KIF11: variants seen among roughly 807,000 people sequenced by gnomAD.
KIF11 encodes the protein kinesin family member 11.
A neutral mutation model predicts 121.0 loss-of-function variants in KIF11; 9 were observed. That is an observed-to-expected ratio of 0.07 (90% CI 0.04 to 0.13). The LOEUF (loss-of-function observed/expected upper bound fraction) is 0.13, where lower values mean the gene tolerates loss of function less well. KIF11 is among the 10% of genes least tolerant of loss of function. The pLI is 1.00. For missense variants in KIF11, 846 were observed against 1,217.5 expected (o/e 0.69, Z 4.54); for synonymous variants, 408 against 421.0 (o/e 0.97, Z 0.38).
At position 92,606,340 on chromosome 10, in the gene KIF11, T is replaced by C. The variant is rs781156148; in HGVS notation, c.153T>C (p.Ser51=). The C allele has an allele frequency of 3.7e-6, 6 of 1,612,678 alleles. No homozygotes were observed. The South Asian group carries it at 5.5e-5, about 15-fold the overall frequency. Residue 51 remains serine, a synonymous_variant, in exon 2 of 22, where the codon AGT becomes AGC. Coordinates refer to ENST00000260731, the MANE Select transcript of KIF11 (RefSeq NM_004523.4). ...GTGATCCTGTACGAAAAGAAGTTAG[T>C]GTACGAACTGGAGGATTGGCTGACA... The part of the protein sequence containing the change: ...VECDPVRKEV[S]VRTGGLADKS...
At chr10:92,633,479 C>G (rs1294919611) in intron 13 of KIF11, 144 bp from the exon 14 acceptor site, 1 of 608,138 alleles carries the variant, frequency 1.6e-6, no homozygotes. Context: ...TATTTCCTTG[C>G]TTTGTAGTGA....
intron 1 of KIF11, among the ~76,000 whole-genome samples, chr10:92,604,173 G>A (rs1252865011): frequency 6.6e-6 from 1 of 152,168 alleles, no homozygotes; most frequent in Non-Finnish European, 1.5e-5. Flanking sequence ...AGAGAAGTCT[G>A]GGTAGGAAAC....
chr10:92,607,259 C>T (rs942841958), intron 4 of KIF11, 22 bp downstream of exon 4: 1 of 1,388,534 alleles, frequency 7.2e-7, no homozygotes, highest in African/African-American at 1.4e-5. Context: ...TTATAACATA[C>T]TTTTATCTCT....
In KIF11 at chr10:92,603,265, T is replaced by TTTC. The variant is rs1470294226; in HGVS notation, c.78-2998_78-2997insCTT. 2.7e-3 allele frequency among the ~76,000 whole-genome samples: 302 copies of TTTC among 109,982 alleles called. 2 individuals are homozygous for TTTC. Among genetic ancestry groups the TTTC allele is most frequent in the Non-Finnish European group, 2.8e-3 (173 of 61,926 alleles). The allele number at this position is 109,982 out of a possible 152,430, so 72.2% of individuals were successfully genotyped here. A position where few individuals can be genotyped will look rare whatever the true frequency, so the allele number is the denominator to read the frequency against. ...CTTAAACTGCTTTCTTTTCTTTTCT[T>TTTC]TTTTTTTTTTTTTTTTTGAGACAGA... On this transcript the variant is annotated intron_variant, in intron 1 of 21. Transcript: ENST00000260731.
At chr10:92,637,603 T>C (rs1294658497) in intron 16 of KIF11, 58 bp downstream of exon 16, 2 of 1,495,466 alleles carry the variant, frequency 1.3e-6, no homozygotes, top group Admixed American at 2.3e-5. Flanking sequence ...TGATTTGATA[T>C]GACTTGATAA....
At chr10:92,635,776 G>A (rs749575449) in intron 14 of KIF11, among the ~76,000 whole-genome samples, 9 of 152,138 alleles carry the variant, frequency 5.9e-5, no homozygotes, top group Non-Finnish European at 1.3e-4. Context: ...ATAGTAAGGT[G>A]AAGCACAATA....
At chr10:92,606,060 A>G (rs939104025) in intron 1 of KIF11, among the ~76,000 whole-genome samples, 1 of 152,216 alleles carries the variant, frequency 6.6e-6, no homozygotes, top group South Asian at 2.1e-4. Context: ...ATCTTTGAAC[A>G]TTTAAAAAAT....
At chr10:92,650,591 C>G (rs773194607) in intron 21 of KIF11, 74 bp downstream of exon 21, 1 of 864,490 alleles carries the variant, frequency 1.2e-6, no homozygotes. Flanking sequence ...AGGTATTGTT[C>G]GTGGTGAGCA....
chr10:92,606,203 A>T (rs1006936734), intron 1 of KIF11, 62 bp from the exon 2 acceptor site: 1 of 1,460,902 alleles, frequency 6.8e-7, no homozygotes, highest in Non-Finnish European at 9.1e-7. Flanking sequence ...AGTTAGTGAA[A>T]ATGTCATTGA....
intron 1 of KIF11, among the ~76,000 whole-genome samples, chr10:92,594,182 TGTTTTGTGTGTCC>T (rs1844266445): frequency 6.6e-6 from 1 of 152,250 alleles, no homozygotes; most frequent in Non-Finnish European, 1.5e-5. Flanking sequence ...TGAGTATGTG[TGTTTTGTGTGTCC>T]GTTTTTGTGG....
At chr10:92,593,836 CTT>C (rs1243867693) in intron 1 of KIF11, among the ~76,000 whole-genome samples, 1 of 152,156 alleles carries the variant, frequency 6.6e-6, no homozygotes, top group East Asian at 1.9e-4. Context: ...TCACTGTTCT[CTT>C]TATTCTAGAT....
At chr10:92,631,457 G>T (rs1007068695) in intron 12 of KIF11, among the ~76,000 whole-genome samples, 6 of 150,108 alleles carry the variant, frequency 4.0e-5, no homozygotes, top group African/African-American at 1.5e-4. Context: ...CGCTTCCCGG[G>T]TTCACGCCAT....
intron 10 of KIF11, 47 bp from the exon 11 acceptor site, chr10:92,628,761 T>A: frequency 9.8e-7 from 1 of 1,018,718 alleles, no homozygotes; most frequent in Non-Finnish European, 1.5e-6. Context: ...TTTATAGGAG[T>A]TAGAAAAAAA....
At chr10:92,595,982 A>T (rs1367994871) in intron 1 of KIF11, among the ~76,000 whole-genome samples, 1 of 152,030 alleles carries the variant, frequency 6.6e-6, no homozygotes, top group Non-Finnish European at 1.5e-5. Flanking sequence ...ATGTCAATGG[A>T]TACTTGAGTT....
At chr10:92,593,977 T>G (rs1844263251) in intron 1 of KIF11, among the ~76,000 whole-genome samples, 1 of 152,234 alleles carries the variant, frequency 6.6e-6, no homozygotes, top group South Asian at 2.1e-4. Context: ...CTGATTGTGC[T>G]GCAGTTTTCC....
intron 5 of KIF11, 76 bp from the exon 6 acceptor site, chr10:92,609,295 AGAGAGAGAGTGTGT>A (rs1227128480): frequency 7.5e-4 from 737 of 987,538 alleles, no homozygotes; most frequent in African/African-American, 5.7e-3. Flanking sequence ...AGAGAGAGAG[AGAGAGAGAGTGTGT>A]GTGTGTGTGT....
intron 17 of KIF11, among the ~76,000 whole-genome samples, chr10:92,642,493 A>G (rs936882166): frequency 2.6e-5 from 4 of 152,218 alleles, no homozygotes; most frequent in African/African-American, 9.7e-5. Flanking sequence ...TATTCAGGTC[A>G]TCCACGGCCT....
chr10:92,653,299 A>G (rs1845007458), intron 21 of KIF11, among the ~76,000 whole-genome samples: 1 of 152,168 alleles, frequency 6.6e-6, no homozygotes, highest in South Asian at 2.1e-4. Flanking sequence ...TACTCACTCA[A>G]AGCCAGTAGC....
intron 1 of KIF11, among the ~76,000 whole-genome samples, chr10:92,598,688 G>A (rs774857526): frequency 1.3e-5 from 2 of 152,140 alleles, no homozygotes; most frequent in African/African-American, 4.8e-5. Flanking sequence ...GGTAGTATTG[G>A]CATCTTAACA....
Sources: gnomAD v4.1 joint callset for allele counts (sites outside exome capture counted in the v4.1 genomes callset) on GRCh38, gnomAD v4.1.1 for gene constraint, MANE v1.5 for transcripts, NCBI Gene and HGNC (gene_info 2026-07-23, HGNC 2026-07-21) for gene names.